MACROD2: variants seen among roughly 807,000 people sequenced by gnomAD.
MACROD2 encodes the protein mono-ADP ribosylhydrolase 2.
Under a neutral mutation model 70.4 loss-of-function variants are expected in MACROD2, and 36 were observed. That is an observed-to-expected ratio of 0.51 (90% CI 0.39 to 0.68). MACROD2 has a LOEUF of 0.68. MACROD2 is among the 30% of genes least tolerant of loss of function. The probability of loss-of-function intolerance (pLI) is 0.00; values close to 1 mark genes in which losing one functional copy is unlikely to be tolerated. For synonymous variants in MACROD2, 172 were observed against 178.8 expected, an observed-to-expected ratio of 0.96 and a Z score of 0.30; for missense variants, 496 against 538.4, an observed-to-expected ratio of 0.92 and a Z score of 0.78.
chr20:14,379,458 T>G (rs998772530), intron 3 of MACROD2, among the ~76,000 whole-genome samples: 19 of 152,196 alleles, frequency 1.2e-4, no homozygotes, highest in Admixed American at 5.9e-4. Context: ...GTAAGAAATA[T>G]ATAAATAAAA....
Position 14,236,188 on chromosome 20 carries a change from C to T in MACROD2, c.271+150460C>T, listed in dbSNP as rs146109465. Among the ~76,000 whole-genome samples, 73 of 152,096 alleles carry T rather than the reference C, an allele frequency of 4.8e-4. 1 individual carries two copies. In the East Asian group the frequency reaches 0.012, roughly 24 times the overall value. ...GACTGCTTTGATTTGCTTGTGCTTA[C>T]GTCCTATAATTTCAATGTCAAGATG... On this transcript the variant is annotated intron_variant, in intron 3 of 17. Coordinates refer to ENST00000684519, the MANE Select transcript of MACROD2 (RefSeq NM_001351661.2).
intron 8 of MACROD2, among the ~76,000 whole-genome samples, chr20:15,807,955 G>A (rs571377950): frequency 7.9e-5 from 12 of 152,148 alleles, no homozygotes; most frequent in East Asian, 3.9e-4. Flanking sequence ...GTTAAAGATC[G>A]ACCCCTGACC....
At chr20:14,453,160 T>G (rs760060208) in intron 3 of MACROD2, among the ~76,000 whole-genome samples, 1 of 152,118 alleles carries the variant, frequency 6.6e-6, no homozygotes, top group South Asian at 2.1e-4. Flanking sequence ...GCTGATAGTG[T>G]TATTGCATTC....
At chr20:14,457,958 C>A (rs365792) in intron 3 of MACROD2, among the ~76,000 whole-genome samples, 144,833 of 152,030 alleles carry the variant, frequency 0.95, 69,453 homozygotes, top group East Asian at 1. Flanking sequence ...AAAATTTGCT[C>A]GGTGTCATTG....
At chr20:15,908,260 T>C (rs1215720356) in intron 10 of MACROD2, among the ~76,000 whole-genome samples, 1 of 152,192 alleles carries the variant, frequency 6.6e-6, no homozygotes, top group Non-Finnish European at 1.5e-5. Flanking sequence ...AAAAGACATT[T>C]ATTCTCTTTG....
At chr20:14,102,645 C>G (rs79746720) in intron 3 of MACROD2, among the ~76,000 whole-genome samples, 114 of 152,252 alleles carry the variant, frequency 7.5e-4, no homozygotes, top group African/African-American at 2.6e-3. Flanking sequence ...TCTGCTATGC[C>G]AGAAATTGCT....
At chr20:15,472,743 A>G (rs1225258557) in intron 7 of MACROD2, among the ~76,000 whole-genome samples, 3 of 152,064 alleles carry the variant, frequency 2.0e-5, no homozygotes, top group Non-Finnish European at 4.4e-5. Flanking sequence ...CTAGTTTCTT[A>G]CCTTATGTTC....
At chr20:15,939,585 G>A (rs544412907) in intron 12 of MACROD2, among the ~76,000 whole-genome samples, 2 of 151,658 alleles carry the variant, frequency 1.3e-5, no homozygotes, top group Admixed American at 1.3e-4. Flanking sequence ...TTCCGACAAA[G>A]ATGTACAAGG....
intron 15 of MACROD2, among the ~76,000 whole-genome samples, chr20:16,010,340 G>A (rs1382353141): frequency 2.0e-5 from 3 of 152,086 alleles, no homozygotes; most frequent in Non-Finnish European, 2.9e-5. Context: ...TTTGCTCTGT[G>A]TACAAAATCC....
intron 6 of MACROD2, among the ~76,000 whole-genome samples, chr20:15,275,319 C>T (rs980017464): frequency 1.3e-5 from 2 of 152,220 alleles, no homozygotes; most frequent in African/African-American, 4.8e-5. Flanking sequence ...CAACATGCAG[C>T]ACCTTGTAGC....
At chr20:14,839,882 C>A (rs2073068557) in intron 5 of MACROD2, among the ~76,000 whole-genome samples, 1 of 151,998 alleles carries the variant, frequency 6.6e-6, no homozygotes, top group African/African-American at 2.4e-5. Context: ...TTTAAACTAC[C>A]AGACACCTTT....
intron 5 of MACROD2, among the ~76,000 whole-genome samples, chr20:14,846,471 A>C: frequency 6.6e-6 from 1 of 151,090 alleles, no homozygotes; most frequent in South Asian, 2.1e-4. Flanking sequence ...TATATATTTC[A>C]TTATATAAGG....
At chr20:14,809,026 G>A (rs1388024614) in intron 5 of MACROD2, among the ~76,000 whole-genome samples, 1 of 151,814 alleles carries the variant, frequency 6.6e-6, no homozygotes, top group South Asian at 2.1e-4. Context: ...TTAGATCAAC[G>A]AGACAGAAAA....
chr20:14,970,398 T>C (rs938795790), intron 5 of MACROD2, among the ~76,000 whole-genome samples: 1 of 152,162 alleles, frequency 6.6e-6, no homozygotes, highest in African/African-American at 2.4e-5. Context: ...GTTTAAGTGT[T>C]TTTTCAAGCT....
intron 8 of MACROD2, among the ~76,000 whole-genome samples, chr20:15,659,131 T>C (rs912674276): frequency 3.3e-5 from 5 of 152,132 alleles, no homozygotes; most frequent in African/African-American, 1.2e-4. Flanking sequence ...TATTTCCCAC[T>C]GTATATGATG....
intron 8 of MACROD2, among the ~76,000 whole-genome samples, chr20:15,629,532 A>G (rs963012722): frequency 2.6e-5 from 4 of 152,216 alleles, no homozygotes; most frequent in Non-Finnish European, 5.9e-5. Context: ...CTTACATTCA[A>G]ATAACCTCTC....
In MACROD2 at chr20:14,626,582, C is replaced by T. The variant is rs1041344283; in HGVS notation, c.302-58261C>T. Among the ~76,000 whole-genome samples the T allele has an allele frequency of 1.1e-4, 16 of 152,062 alleles. No individual in the cohort carries two copies. In the South Asian group the frequency reaches 3.1e-3, roughly 30 times the overall value. On this transcript the variant is annotated intron_variant, in intron 4 of 17. Transcript: ENST00000684519. The stretch of plus-strand genomic sequence containing the variant: ...CCTGGTTCTAACACAGGGAATGCTG[C>T]CACAAGAAGGCGTGGTAAGATTTCC...
At chr20:14,356,614 C>G (rs947668614) in intron 3 of MACROD2, among the ~76,000 whole-genome samples, 1 of 150,854 alleles carries the variant, frequency 6.6e-6, no homozygotes, top group African/African-American at 2.4e-5. Flanking sequence ...AAGCAGTTCT[C>G]CTGCCTCAAC....
At chr20:16,008,819 C>G (rs2066823601) in intron 15 of MACROD2, among the ~76,000 whole-genome samples, 1 of 152,200 alleles carries the variant, frequency 6.6e-6, no homozygotes, top group African/African-American at 2.4e-5. Context: ...CTAAGAACTA[C>G]AGGAACACTG....
Sources: allele counts gnomAD v4.1 joint callset (sites outside exome capture counted in the v4.1 genomes callset), GRCh38; gene constraint gnomAD v4.1.1; transcripts MANE v1.5; gene names NCBI Gene and HGNC (gene_info 2026-07-23, HGNC 2026-07-21).